The following IL1RAPL2 variants were observed in gnomAD, a reference collection of about 807,000 sequenced individuals.
The protein encoded by IL1RAPL2 is interleukin 1 receptor accessory protein like 2.
IL1RAPL2 carries 3 observed loss-of-function variants against 44.1 expected under a neutral mutation model. That is an observed-to-expected ratio of 0.07 (90% CI 0.03 to 0.18). The LOEUF (loss-of-function observed/expected upper bound fraction) is 0.18, where lower values mean the gene tolerates loss of function less well. Ranked by LOEUF, IL1RAPL2 falls within the 10% of genes least tolerant of loss-of-function variation. The probability of loss-of-function intolerance (pLI) is 1.00; values close to 1 mark genes in which losing one functional copy is unlikely to be tolerated. For synonymous variants in IL1RAPL2, 181 were observed against 178.8 expected, an observed-to-expected ratio of 1.01 and a Z score of -0.10; for missense variants, 391 against 496.4, an observed-to-expected ratio of 0.79 and a Z score of 2.02.
chrX:105,194,381 G>C (rs960412197), intron 2 of IL1RAPL2, among the ~76,000 whole-genome samples: 6 of 111,601 alleles, frequency 5.4e-5, no homozygotes, highest in African/African-American at 2.0e-4. Context: ...TTTTTTAAAG[G>C]GTAATCAAGA....
chrX:104,823,147 T>C (rs1211105320), intron 2 of IL1RAPL2, among the ~76,000 whole-genome samples: 1 of 110,894 alleles, frequency 9.0e-6, no homozygotes, highest in African/African-American at 3.3e-5. Context: ...CATGTGCACA[T>C]TGTGCAGGTT....
At chrX:104,877,017 A>G (rs1922924047) in intron 2 of IL1RAPL2, among the ~76,000 whole-genome samples, 1 of 110,416 alleles carries the variant, frequency 9.1e-6, no homozygotes, top group Non-Finnish European at 1.9e-5. Flanking sequence ...GCTGAGAATG[A>G]TGGTTTCCAG....
chrX:104,847,411 G>T (rs780202988), intron 2 of IL1RAPL2, among the ~76,000 whole-genome samples: 126 of 111,547 alleles, frequency 1.1e-3, no homozygotes, highest in African/African-American at 3.9e-3. Flanking sequence ...TTCTACATAT[G>T]GCTAGCCAGT....
intron 2 of IL1RAPL2, among the ~76,000 whole-genome samples, chrX:105,051,605 G>T (rs1231223279): frequency 3.5e-5 from 4 of 113,042 alleles, no homozygotes; most frequent in Non-Finnish European, 7.5e-5. Context: ...AAGAGCAGGA[G>T]GCCTGGGTCT....
intron 4 of IL1RAPL2, among the ~76,000 whole-genome samples, chrX:105,246,797 T>C (rs1281798343): frequency 3.6e-5 from 4 of 111,728 alleles, no homozygotes; most frequent in African/African-American, 6.5e-5. Context: ...ATCAGTTATA[T>C]AGGACAACTG....
At chrX:104,804,713 T>TCCTAACA (rs1932909053) in intron 2 of IL1RAPL2, among the ~76,000 whole-genome samples, 14 of 112,289 alleles carry the variant, frequency 1.2e-4, no homozygotes, top group African/African-American at 4.2e-4. Flanking sequence ...ATTTAGGATA[T>TCCTAACA]GTTCAAGATT....
intron 2 of IL1RAPL2, among the ~76,000 whole-genome samples, chrX:105,086,468 G>A (rs1569379152): frequency 9.0e-6 from 1 of 111,295 alleles, no homozygotes; most frequent in Non-Finnish European, 1.9e-5. Context: ...GAATGGCTGG[G>A]GGTGGGGAAT....
chrX:104,823,999 A>G (rs1409299038), intron 2 of IL1RAPL2, among the ~76,000 whole-genome samples: 1 of 111,692 alleles, frequency 9.0e-6, no homozygotes, highest in Non-Finnish European at 1.9e-5. Context: ...GTTTTTGCCC[A>G]TTCAGTATGA....
intron 2 of IL1RAPL2, among the ~76,000 whole-genome samples, chrX:104,896,437 G>C: frequency 9.0e-6 from 1 of 111,551 alleles, no homozygotes. Context: ...GAAGTAGCTA[G>C]AGCAGTCATC....
At chrX:105,152,440 A>G (rs2033235697) in intron 2 of IL1RAPL2, among the ~76,000 whole-genome samples, 1 of 112,054 alleles carries the variant, frequency 8.9e-6, no homozygotes, top group South Asian at 3.7e-4. Context: ...TGTTTGGTAA[A>G]TTCTCAAATC....
intron 2 of IL1RAPL2, among the ~76,000 whole-genome samples, chrX:104,660,930 CTA>C (rs59232548): frequency 0.12 from 10,632 of 87,803 alleles, 1,515 homozygotes; most frequent in African/African-American, 0.39. Flanking sequence ...CAGACCCTGT[CTA>C]TATATATATA....
At chrX:104,666,024 A>G in intron 2 of IL1RAPL2, among the ~76,000 whole-genome samples, 1 of 111,551 alleles carries the variant, frequency 9.0e-6, no homozygotes, top group Non-Finnish European at 1.9e-5. Flanking sequence ...CAAATGAAAA[A>G]CATTTCATTG....
Position 105,476,935 on chromosome X carries a change from C to T in IL1RAPL2, c.698-7378C>T, listed in dbSNP as rs188442092. 2.0e-3 allele frequency among the ~76,000 whole-genome samples: 227 copies of T among 112,002 alleles called. 2 individuals are homozygous for T. The highest frequency in any genetic ancestry group is 6.8e-3 in the African/African-American group (210 of 30,854). ...TGAAGATAGTAAGTCAAGAAAGGGG[C>T]CCTGGTGCCCAATGTGTGCCTACAA... On this transcript the variant is annotated intron_variant, in intron 5 of 10. Coordinates refer to ENST00000372582, the MANE Select transcript of IL1RAPL2 (RefSeq NM_017416.2).
At chrX:104,987,067 A>G (rs1321834315) in intron 2 of IL1RAPL2, among the ~76,000 whole-genome samples, 1 of 112,109 alleles carries the variant, frequency 8.9e-6, no homozygotes, top group Non-Finnish European at 1.9e-5. Flanking sequence ...TGTTACCCAT[A>G]TTCTCCTATA....
chrX:105,167,294 A>G (rs756556942), intron 2 of IL1RAPL2, among the ~76,000 whole-genome samples: 24 of 112,705 alleles, frequency 2.1e-4, no homozygotes, highest in African/African-American at 6.8e-4. Context: ...TGGCCCTGCC[A>G]AAGGAATTTC....
chrX:105,583,413 C>T (rs1027177551), intron 6 of IL1RAPL2, among the ~76,000 whole-genome samples: 4 of 111,682 alleles, frequency 3.6e-5, no homozygotes, highest in African/African-American at 1.3e-4. Context: ...AGATTACAGG[C>T]GTGAGCTACG....
intron 2 of IL1RAPL2, among the ~76,000 whole-genome samples, chrX:105,108,307 C>G (rs1227336251): frequency 2.7e-5 from 3 of 111,241 alleles, no homozygotes; most frequent in Middle Eastern, 4.7e-3. Flanking sequence ...ATCAAATGCA[C>G]CAGCAAGTTC....
rs184183830 is a variant in IL1RAPL2, at chrX:104,670,713, G to A, written c.82+11718G>A. 8.8e-4 allele frequency among the ~76,000 whole-genome samples: 98 copies of A among 111,255 alleles called. 1 individual carries two copies. In the Admixed American group the frequency reaches 8.9e-3, roughly 10 times the overall value. On this transcript the variant is annotated intron_variant, in intron 2 of 10. Coordinates refer to ENST00000372582, the MANE Select transcript of IL1RAPL2 (RefSeq NM_017416.2). ...TGGTCCTGTCACCCAGGTAGTGAGC[G>A]TAGTACCTAATAGGTAGTCACCCCA...
chrX:105,242,440 C>G (rs2034178305), intron 4 of IL1RAPL2, among the ~76,000 whole-genome samples: 1 of 111,702 alleles, frequency 9.0e-6, no homozygotes, highest in African/African-American at 3.2e-5. Context: ...CACATACAGA[C>G]AGAAGAAAAT....
Sources: allele counts gnomAD v4.1 joint callset (sites outside exome capture counted in the v4.1 genomes callset), GRCh38; gene constraint gnomAD v4.1.1; transcripts MANE v1.5; gene names NCBI Gene and HGNC (gene_info 2026-07-23, HGNC 2026-07-21).